ADGRB3: variants seen among roughly 807,000 people sequenced by gnomAD.
ADGRB3 encodes the protein brain-specific angiogenesis inhibitor 3.
ADGRB3 carries 37 observed loss-of-function variants against 193.4 expected under a neutral mutation model. That is an observed-to-expected ratio of 0.19 (90% CI 0.15 to 0.25). The LOEUF is 0.25. Among genes scored for constraint, ADGRB3 ranks in the 10% least tolerant of loss-of-function variants. The pLI, the probability that ADGRB3 is intolerant of heterozygous loss-of-function variation, is 1.00. For missense variants in ADGRB3, 1,637 were observed against 1,852.9 expected, an observed-to-expected ratio of 0.88 and a Z score of 2.14; for synonymous variants, 690 against 644.2, an observed-to-expected ratio of 1.07 and a Z score of -1.08.
intron 3 of ADGRB3, among the ~76,000 whole-genome samples, chr6:68,909,151 T>A (rs12197269): frequency 0.33 from 50,343 of 152,100 alleles, 8,429 homozygotes; most frequent in South Asian, 0.39. Flanking sequence ...CCAAATAACA[T>A]CTTGTTATAT....
intron 3 of ADGRB3, among the ~76,000 whole-genome samples, chr6:68,676,315 G>C (rs777086186): frequency 6.6e-6 from 1 of 150,976 alleles, no homozygotes; most frequent in Non-Finnish European, 1.5e-5. Flanking sequence ...GGCTTGAACC[G>C]GGGAGTGGGA....
At chr6:68,844,272 A>G (rs140371177) in intron 3 of ADGRB3, among the ~76,000 whole-genome samples, 1 of 152,210 alleles carries the variant, frequency 6.6e-6, no homozygotes, top group East Asian at 1.9e-4. Context: ...TTGCAAACTA[A>G]CCATCTCACA....
intron 13 of ADGRB3, among the ~76,000 whole-genome samples, chr6:69,033,283 G>A (rs1770766572): frequency 6.6e-6 from 1 of 152,040 alleles, no homozygotes; most frequent in Admixed American, 6.6e-5. Context: ...GTAGTTATTT[G>A]TCATTAGTCA....
At chr6:69,192,478 A>G (rs905919132) in intron 17 of ADGRB3, among the ~76,000 whole-genome samples, 4 of 152,150 alleles carry the variant, frequency 2.6e-5, no homozygotes, top group African/African-American at 9.6e-5. Context: ...TCCTTTGGTA[A>G]CACCCTCACA....
chr6:69,077,901 C>T (rs1772279135), intron 17 of ADGRB3, among the ~76,000 whole-genome samples: 1 of 151,928 alleles, frequency 6.6e-6, no homozygotes, highest in Admixed American at 6.6e-5. Flanking sequence ...ACTTCTTTCC[C>T]ATCACAGTTT....
At chr6:68,647,539 A>T (rs2127278893) in intron 3 of ADGRB3, among the ~76,000 whole-genome samples, 1 of 152,336 alleles carries the variant, frequency 6.6e-6, no homozygotes, top group South Asian at 2.1e-4. Context: ...ACAAAGGATC[A>T]TAAAGCCATA....
intron 26 of ADGRB3, among the ~76,000 whole-genome samples, chr6:69,351,854 A>G (rs928878976): frequency 6.6e-6 from 1 of 152,192 alleles, no homozygotes; most frequent in Non-Finnish European, 1.5e-5. Context: ...AGGTCTGAAA[A>G]TTGGGAGTGG....
At chr6:68,944,563 T>G (rs1767725783) in intron 6 of ADGRB3, among the ~76,000 whole-genome samples, 1 of 152,190 alleles carries the variant, frequency 6.6e-6, no homozygotes, top group African/African-American at 2.4e-5. Flanking sequence ...AAATTTTTAA[T>G]TTTAAATTTA....
intron 8 of ADGRB3, among the ~76,000 whole-genome samples, chr6:68,959,476 G>T (rs1167602253): frequency 6.6e-6 from 1 of 151,810 alleles, no homozygotes; most frequent in Non-Finnish European, 1.5e-5. Flanking sequence ...ACTTAATTTG[G>T]AGTCAAAACA....
intron 3 of ADGRB3, among the ~76,000 whole-genome samples, chr6:68,747,115 A>C (rs1023518454): frequency 6.6e-6 from 1 of 152,198 alleles, no homozygotes; most frequent in South Asian, 2.1e-4. Flanking sequence ...TTATATAATC[A>C]CATGTAATGC....
chr6:68,744,818 A>G (rs1306266304), intron 3 of ADGRB3, among the ~76,000 whole-genome samples: 1 of 152,286 alleles, frequency 6.6e-6, no homozygotes. Flanking sequence ...GCAAACCACC[A>G]TGGCACGTGT....
intron 17 of ADGRB3, among the ~76,000 whole-genome samples, chr6:69,128,483 A>G (rs576980318): frequency 6.6e-6 from 1 of 152,256 alleles, no homozygotes; most frequent in East Asian, 1.9e-4. Flanking sequence ...CCTGTAATAC[A>G]TAGTAACTGT....
intron 3 of ADGRB3, among the ~76,000 whole-genome samples, chr6:68,667,319 A>G (rs903680813): frequency 5.3e-5 from 8 of 151,914 alleles, no homozygotes; most frequent in African/African-American, 1.9e-4. Context: ...AGATTTAAGC[A>G]AAACCATCAA....
intron 6 of ADGRB3, among the ~76,000 whole-genome samples, chr6:68,947,125 G>T (rs1767794872): frequency 6.6e-6 from 1 of 152,076 alleles, no homozygotes; most frequent in African/African-American, 2.4e-5. Context: ...AGACAGGCAA[G>T]AGGCATAGAG....
At chr6:68,814,687 A>G (rs912829635) in intron 3 of ADGRB3, among the ~76,000 whole-genome samples, 2 of 152,184 alleles carry the variant, frequency 1.3e-5, no homozygotes, top group Admixed American at 1.3e-4. Flanking sequence ...CAACAAAACA[A>G]GAGAATTTTA....
chr6:68,670,303 G>T (rs1768912729), intron 3 of ADGRB3, among the ~76,000 whole-genome samples: 1 of 152,018 alleles, frequency 6.6e-6, no homozygotes, highest in East Asian at 1.9e-4. Flanking sequence ...TGCCTTGGTT[G>T]CCTGTGCTTG....
At chr6:69,064,775 T>G (rs975051278) in intron 16 of ADGRB3, among the ~76,000 whole-genome samples, 6 of 152,072 alleles carry the variant, frequency 3.9e-5, no homozygotes, top group African/African-American at 1.4e-4. Context: ...AAATCATTAT[T>G]TAGAACTTAA....
At chr6:69,110,089 A>G (rs985323426) in intron 17 of ADGRB3, among the ~76,000 whole-genome samples, 2 of 151,768 alleles carry the variant, frequency 1.3e-5, no homozygotes, top group Non-Finnish European at 2.9e-5. Flanking sequence ...CTGGGATTAC[A>G]GGCGCCTGCC....
chr6:69,254,639 T>C (rs1766709835), intron 20 of ADGRB3, among the ~76,000 whole-genome samples: 1 of 152,152 alleles, frequency 6.6e-6, no homozygotes, highest in Non-Finnish European at 1.5e-5. Flanking sequence ...AGATATATCT[T>C]ATTGATTATC....
Sources: allele counts gnomAD v4.1 joint callset (sites outside exome capture counted in the v4.1 genomes callset), GRCh38; gene constraint gnomAD v4.1.1; transcripts MANE v1.5; gene names NCBI Gene and HGNC (gene_info 2026-07-23, HGNC 2026-07-21).